Variants in NRXN3 observed in about 807,000 individuals in gnomAD.
The protein encoded by NRXN3 is neurexin 3, also known as neurexin III.
Under a neutral mutation model 137.6 loss-of-function variants are expected in NRXN3, and 32 were observed. The observed-to-expected ratio is 0.23, with a 90% CI of 0.18 to 0.31. The LOEUF is 0.31. Ranked by LOEUF, NRXN3 falls within the 10% of genes least tolerant of loss-of-function variation. The pLI is 1.00. For synonymous variants in NRXN3, 798 were observed against 784.5 expected, an observed-to-expected ratio of 1.02 and a Z score of -0.29; for missense variants, 1,574 against 2,062.5, an observed-to-expected ratio of 0.76 and a Z score of 4.59.
In NRXN3 at chr14:79,064,993, A is replaced by G. The variant is rs150282757; in HGVS notation, c.3262+76852A>G. The stretch of plus-strand genomic sequence containing the variant: ...TTCCTTATCCACTTTCTCCTCAACC[A>G]GAGCTGCTTCTCCCAAAATCCCAAG... On this transcript the variant is annotated intron_variant, in intron 15 of 20. Coordinates refer to ENST00000335750, the MANE Select transcript of NRXN3 (RefSeq NM_001330195.2). 2.4e-3 allele frequency among the ~76,000 whole-genome samples: 365 copies of G among 152,044 alleles called. 2 individuals are homozygous for G. The highest frequency in any genetic ancestry group is 8.0e-3 in the African/African-American group (331 of 41,508).
At chr14:78,186,975 C>T (rs2153366191) in intron 1 of NRXN3, among the ~76,000 whole-genome samples, 1 of 152,320 alleles carries the variant, frequency 6.6e-6, no homozygotes, top group Non-Finnish European at 1.5e-5. Flanking sequence ...CATGGAATAC[C>T]TGCATGCCAG....
chr14:79,860,052 G>A (rs2099411024), intron 20 of NRXN3, among the ~76,000 whole-genome samples: 1 of 152,118 alleles, frequency 6.6e-6, no homozygotes, highest in African/African-American at 2.4e-5. Context: ...CACTACTGCA[G>A]AATATTTGTG....
At position 78,709,422 on chromosome 14, in the gene NRXN3, G is replaced by T. The variant is rs199543320; in HGVS notation, c.1427G>T (p.Arg476Leu). 6.8e-6 allele frequency: 11 copies of T among 1,614,006 alleles called. No homozygotes were observed. In the East Asian group the frequency reaches 2.0e-4, roughly 29 times the overall value. Residue 476 changes from arginine (R) to leucine (L), a missense_variant, in exon 7 of 21, where the codon CGC (arginine) becomes CTC (leucine). Physicochemically the swap from Arg to Leu is moderately radical, Grantham distance 102. Around this residue, in one of 5 missense-constraint regions of NRXN3, gnomAD observed 718 missense variants for 887.6 expected, o/e 0.81. Coordinates refer to ENST00000335750, the MANE Select transcript of NRXN3 (RefSeq NM_001330195.2). ...ATGGGCTCCATCTCCTTTGACTTCCGCACCACAGAGCCCAATGGCCTGATC... is the reference window on the plus strand; with the variant it reads ...ATGGGCTCCATCTCCTTTGACTTCCTCACCACAGAGCCCAATGGCCTGATC... Reference protein sequence around the residue: ...KRMGSISFDFRTTEPNGLILF... With the variant: ...KRMGSISFDFLTTEPNGLILF...
intron 8 of NRXN3, among the ~76,000 whole-genome samples, chr14:78,791,799 C>T (rs914913813): frequency 3.3e-5 from 5 of 152,138 alleles, no homozygotes; most frequent in African/African-American, 1.2e-4. Flanking sequence ...ATGAAGCTTA[C>T]CCATAGCCTT....
intron 4 of NRXN3, among the ~76,000 whole-genome samples, chr14:78,506,976 T>C (rs932418694): frequency 6.6e-6 from 1 of 152,178 alleles, no homozygotes; most frequent in African/African-American, 2.4e-5. Context: ...TTTTTTCTTG[T>C]TATTGAGTTG....
chr14:78,272,490 C>T (rs963301706), intron 2 of NRXN3, among the ~76,000 whole-genome samples: 2 of 152,158 alleles, frequency 1.3e-5, no homozygotes, highest in African/African-American at 4.8e-5. Flanking sequence ...CTCTTCAGTT[C>T]CTGGGCTGGG....
At chr14:78,335,280 C>G (rs1036949889) in intron 4 of NRXN3, among the ~76,000 whole-genome samples, 2 of 152,186 alleles carry the variant, frequency 1.3e-5, no homozygotes, top group Non-Finnish European at 2.9e-5. Flanking sequence ...TTTTCTCTCC[C>G]TTTTAAGACT....
rs143789983 is a variant in NRXN3 at position 78,836,393 on chromosome 14, A to G, written c.2275+26049A>G. On this transcript the variant is annotated intron_variant, in intron 10 of 20. Transcript: ENST00000335750. The stretch of plus-strand genomic sequence containing the variant: ...CTTGGGAGGCTATTCAGTGAAGTAT[A>G]AGATATAAAGAGCAATTTTATTGCC... Among the ~76,000 whole-genome samples the G allele has an allele frequency of 4.5e-3, 680 of 152,348 alleles. 6 individuals are homozygous for G. Among genetic ancestry groups the G allele is most frequent in the African/African-American group, 0.015 (607 of 41,576 alleles).
At chr14:78,323,560 A>G (rs998410427) in intron 4 of NRXN3, among the ~76,000 whole-genome samples, 2 of 152,038 alleles carry the variant, frequency 1.3e-5, no homozygotes, top group South Asian at 4.1e-4. Context: ...AAACAGCATC[A>G]TCATTTATCA....
intron 16 of NRXN3, chr14:79,611,916 A>G (rs1042228347): frequency 1.3e-5 from 2 of 152,240 alleles, no homozygotes; most frequent in African/African-American, 4.8e-5. Context: ...TAAGTCATGA[A>G]TAAATAGTAC....
chr14:78,433,513 A>G (rs1208617219), intron 4 of NRXN3, among the ~76,000 whole-genome samples: 1 of 152,154 alleles, frequency 6.6e-6, no homozygotes, highest in East Asian at 1.9e-4. Flanking sequence ...ACAATGTGAG[A>G]GTTGGGACCT....
chr14:79,718,156 G>T (rs899591184), intron 19 of NRXN3, among the ~76,000 whole-genome samples: 2 of 152,166 alleles, frequency 1.3e-5, no homozygotes, highest in Non-Finnish European at 2.9e-5. Context: ...TTTAGGGGAA[G>T]TTACTCTAAG....
At chr14:78,189,240 T>G (rs1287142843) in intron 1 of NRXN3, among the ~76,000 whole-genome samples, 2 of 152,208 alleles carry the variant, frequency 1.3e-5, no homozygotes, top group Non-Finnish European at 2.9e-5. Flanking sequence ...CCTAGATGTC[T>G]GCAGTGACCT....
intron 15 of NRXN3, among the ~76,000 whole-genome samples, chr14:79,073,578 T>G (rs1458668028): frequency 6.6e-6 from 1 of 152,194 alleles, no homozygotes; most frequent in Non-Finnish European, 1.5e-5. Context: ...GCTTAGGTCC[T>G]TAAAGAAATT....
intron 19 of NRXN3, among the ~76,000 whole-genome samples, chr14:79,758,996 T>C (rs541675255): frequency 2.6e-5 from 4 of 152,198 alleles, no homozygotes; most frequent in Non-Finnish European, 5.9e-5. Flanking sequence ...CTTATTCTAC[T>C]AAACATTTTC....
chr14:78,591,021 A>G lies in NRXN3; in HGVS notation c.758-54099A>G, dbSNP rs75246140. Among the ~76,000 whole-genome samples, 594 of 152,358 alleles carry G rather than the reference A, an allele frequency of 3.9e-3. 7 individuals carry two copies. Among genetic ancestry groups the G allele is most frequent in the African/African-American group, 0.013 (552 of 41,590 alleles). On this transcript the variant is annotated intron_variant, in intron 4 of 20. Coordinates refer to ENST00000335750, the MANE Select transcript of NRXN3 (RefSeq NM_001330195.2). ...GAAGTAAATGCTATGTCTGCAAAAA[A>G]GAGGTGAGGGCACAGTGATGCGTAG... is the stretch of plus-strand genomic sequence containing the variant.
chr14:78,943,085 G>A (rs2099356268), intron 10 of NRXN3, among the ~76,000 whole-genome samples: 1 of 152,106 alleles, frequency 6.6e-6, no homozygotes, highest in African/African-American at 2.4e-5. Context: ...GGAGTTATAT[G>A]ATGGTTCAGG....
intron 4 of NRXN3, among the ~76,000 whole-genome samples, chr14:78,576,750 G>A (rs12437077): frequency 0.028 from 4,236 of 152,286 alleles, 65 homozygotes; most frequent in African/African-American, 0.031. Context: ...TAGTTGGAAG[G>A]TACTGCAGGG....
intron 1 of NRXN3, among the ~76,000 whole-genome samples, chr14:78,201,821 C>T (rs919434950): frequency 6.6e-5 from 10 of 152,128 alleles, no homozygotes; most frequent in Admixed American, 2.6e-4. Context: ...TGCTGTCAGC[C>T]GCTCCGACAT....
Sources: gnomAD v4.1 joint callset for allele counts (sites outside exome capture counted in the v4.1 genomes callset) on GRCh38, gnomAD v4.1.1 for gene constraint, gnomAD v4.1.1 regional missense constraint, MANE v1.5 for transcripts, NCBI Gene and HGNC (gene_info 2026-07-23, HGNC 2026-07-21) for gene names.